Variants in STIMATE observed in about 807,000 individuals in gnomAD.
The protein encoded by STIMATE is STIM activating enhancer.
STIMATE carries 15 observed loss-of-function variants against 36.7 expected under a neutral mutation model. That is an observed-to-expected ratio of 0.41 (90% CI 0.27 to 0.63). STIMATE has a LOEUF of 0.63. STIMATE is among the 20% of genes least tolerant of loss of function. The pLI, the probability that STIMATE is intolerant of heterozygous loss-of-function variation, is 0.32. For missense variants in STIMATE, 305 were observed against 397.3 expected (o/e 0.77, Z 1.98); for synonymous variants, 163 against 162.3 (o/e 1.00, Z -0.03).
At chr3:52,859,564 A>C (rs1701177602) in intron 1 of STIMATE, among the ~76,000 whole-genome samples, 1 of 108,794 alleles carries the variant, frequency 9.2e-6, no homozygotes, top group Non-Finnish European at 1.7e-5. Context: ...GCTGGGCATG[A>C]TGGTATGTAC....
intron 1 of STIMATE, among the ~76,000 whole-genome samples, chr3:52,892,807 G>T (rs1022152975): frequency 6.6e-6 from 1 of 152,184 alleles, no homozygotes; most frequent in African/African-American, 2.4e-5. Context: ...CACTAATAGT[G>T]GGGCAGCGTG....
intron 1 of STIMATE, among the ~76,000 whole-genome samples, chr3:52,874,773 T>G (rs1575343095): frequency 6.6e-6 from 1 of 151,742 alleles, no homozygotes; most frequent in Non-Finnish European, 1.5e-5. Flanking sequence ...ACCTGGGAGG[T>G]GGAGGTTGCA....
chr3:52,861,197 G>A (rs1701210361), intron 1 of STIMATE, among the ~76,000 whole-genome samples: 1 of 152,214 alleles, frequency 6.6e-6, no homozygotes, highest in South Asian at 2.1e-4. Flanking sequence ...CCCGAACACA[G>A]AGCTGGAAGC....
chr3:52,873,972 A>C (rs1455011743), intron 1 of STIMATE, among the ~76,000 whole-genome samples: 1 of 152,224 alleles, frequency 6.6e-6, no homozygotes, highest in Non-Finnish European at 1.5e-5. Flanking sequence ...TGTGTTTTCC[A>C]CCAGTCCACA....
At chr3:52,894,557 G>GAAAC (rs1211949315) in intron 1 of STIMATE, among the ~76,000 whole-genome samples, 1 of 152,040 alleles carries the variant, frequency 6.6e-6, no homozygotes, top group Non-Finnish European at 1.5e-5. Flanking sequence ...TAAAAACAAA[G>GAAAC]AAACAAACAA....
chr3:52,856,470 C>T (rs542027605), intron 1 of STIMATE, among the ~76,000 whole-genome samples: 9 of 151,646 alleles, frequency 5.9e-5, no homozygotes, highest in African/African-American at 1.7e-4. Flanking sequence ...TGCTTGAGCC[C>T]GGGAGTTCGA....
chr3:52,843,056 A>G, intron 6 of STIMATE, 96 bp from the exon 7 acceptor site: 3 of 1,562,160 alleles, frequency 1.9e-6, no homozygotes, highest in Non-Finnish European at 2.6e-6. Context: ...CCAGGTTATA[A>G]GATCCAGAGC....
chr3:52,863,072 G>C (rs1373405680), intron 1 of STIMATE, among the ~76,000 whole-genome samples: 1 of 152,238 alleles, frequency 6.6e-6, no homozygotes, highest in African/African-American at 2.4e-5. Flanking sequence ...CCTCAGAACA[G>C]TGAGAAAACA....
At chr3:52,850,405 G>A (rs1453599880) in intron 3 of STIMATE, among the ~76,000 whole-genome samples, 2 of 150,432 alleles carry the variant, frequency 1.3e-5, no homozygotes, top group Admixed American at 6.7e-5. Context: ...GCACTCCAGC[G>A]TGGTGACACA....
intron 1 of STIMATE, chr3:52,896,035 A>T: frequency 1.0e-6 from 1 of 999,102 alleles, no homozygotes; most frequent in Non-Finnish European, 1.4e-6. Context: ...AAAGTGGCAA[A>T]CATAGACAGT....
intron 1 of STIMATE, among the ~76,000 whole-genome samples, chr3:52,881,359 T>C (rs577167698): frequency 6.6e-6 from 1 of 152,272 alleles, no homozygotes; most frequent in South Asian, 2.1e-4. Flanking sequence ...AGCTAACTCC[T>C]ACTCTGGATG....
intron 1 of STIMATE, among the ~76,000 whole-genome samples, chr3:52,862,640 TGTAAGAAGCATATA>T (rs1205069831): frequency 2.6e-5 from 4 of 152,242 alleles, no homozygotes; most frequent in African/African-American, 9.6e-5. Context: ...TATATTTAAG[TGTAAGAAGCATATA>T]GGTGAGTTTT....
At chr3:52,846,599 C>T (rs181803447) in intron 4 of STIMATE, 70 of 152,310 alleles carry the variant, frequency 4.6e-4, no homozygotes, top group African/African-American at 1.6e-3. Flanking sequence ...GCTTTTCCTC[C>T]CATACGCCTC....
At chr3:52,850,476 G>A (rs767925913) in intron 3 of STIMATE, among the ~76,000 whole-genome samples, 28 of 151,860 alleles carry the variant, frequency 1.8e-4, no homozygotes, top group African/African-American at 2.4e-4. Context: ...TCTGCCAGGC[G>A]AAGGTTCAAT....
At position 52,840,545 on chromosome 3, in the gene STIMATE, G is replaced by C. The variant is rs766075564; in HGVS notation, c.834C>G (p.Thr278=). ...TCTTTTTCTTCACAGGCTTGAGGGG[G>C]GTCAGTCTGCGGAGGTCCTCCTCCA... ...SDVEEDLRRL[T]PLKPVKKKKH... is the part of the protein sequence containing the mutation. Residue 278 remains threonine (T), a synonymous_variant, in exon 8 of 8, where the codon ACC becomes ACG. Transcript: ENST00000355083. The C allele has an allele frequency of 6.2e-7, 1 of 1,613,984 alleles. No homozygotes were observed. Among genetic ancestry groups the C allele is most frequent in the Non-Finnish European group, 8.5e-7 (1 of 1,179,984 alleles).
At chr3:52,844,974 G>A (rs762748742) in intron 4 of STIMATE, 33 bp from the exon 5 acceptor site, 35 of 1,607,744 alleles carry the variant, frequency 2.2e-5, no homozygotes, top group Non-Finnish European at 2.9e-5. Context: ...AGTCACATGG[G>A]GCCCAGGCAT....
chr3:52,860,841 C>T (rs948076428), intron 1 of STIMATE, among the ~76,000 whole-genome samples: 3 of 152,272 alleles, frequency 2.0e-5, no homozygotes, highest in East Asian at 3.9e-4. Context: ...CACTGTTCCA[C>T]GTGGTGGCGG....
At chr3:52,871,829 A>G (rs1701412817) in intron 1 of STIMATE, among the ~76,000 whole-genome samples, 1 of 152,220 alleles carries the variant, frequency 6.6e-6, no homozygotes, top group Admixed American at 6.5e-5. Flanking sequence ...TAAAATTGAA[A>G]CACACAAACA....
At chr3:52,847,427 AAGAGTGGCCTGGTAATC>A (rs1474650708) in intron 4 of STIMATE, 34 of 1,285,000 alleles carry the variant, frequency 2.6e-5, no homozygotes, top group Non-Finnish European at 3.2e-5. Flanking sequence ...CCACATGGGA[AAGAGTGGCCTGGTAATC>A]AGAGTGCAGA....
Sources: gnomAD v4.1 joint callset for allele counts (sites outside exome capture counted in the v4.1 genomes callset) on GRCh38, gnomAD v4.1.1 for gene constraint, MANE v1.5 for transcripts, NCBI Gene and HGNC (gene_info 2026-07-23, HGNC 2026-07-21) for gene names.